DCHS1: variants seen among roughly 807,000 people sequenced by gnomAD.
DCHS1 encodes dachsous cadherin-related 1, also known as protocadherin-16.
In DCHS1, 78 loss-of-function variants were observed where a neutral mutation model predicts 213.9. The observed-to-expected ratio is 0.36, with a 90% CI of 0.30 to 0.44. The LOEUF is 0.44. Ranked by LOEUF, DCHS1 falls within the 20% of genes least tolerant of loss-of-function variation. The pLI is 1.00. For synonymous variants in DCHS1, 1,828 were observed against 1,873.7 expected (o/e 0.98, Z 0.63); for missense variants, 3,946 against 4,395.9 (o/e 0.90, Z 2.89).
chr11:6,632,184 T>A lies in DCHS1; in HGVS notation c.3328A>T (p.Thr1110Ser). ...TGGTTCTCAGCCACAGCCAGGAAGG[T>A]GGGATCCTCAGACAAGCGGGGACTG... Reference protein sequence around the residue: ...EHSPRLSEDPTFLAVAENQPP... With the variant: ...EHSPRLSEDPSFLAVAENQPP... Residue 1110 changes from threonine (T) to serine (S), a missense_variant, in exon 6 of 21, where the codon ACC becomes TCC. Coordinates refer to ENST00000299441, the MANE Select transcript of DCHS1 (RefSeq NM_003737.4). The surrounding 1 kb of genome is among the most constrained non-coding windows in gnomAD (Gnocchi z 5.9). 6.2e-7 allele frequency: 1 copy of A among 1,600,510 alleles called. No individual in the cohort carries two copies. The highest frequency in any genetic ancestry group is 8.5e-7 in the Non-Finnish European group (1 of 1,170,196).
At chr11:6,648,861 A>G (rs868768807) in intron 1 of DCHS1, among the ~76,000 whole-genome samples, 5 of 152,304 alleles carry the variant, frequency 3.3e-5, no homozygotes, top group South Asian at 4.2e-4. Flanking sequence ...AGCATGAGAT[A>G]TTATTATAGT....
At position 6,628,803 on chromosome 11, in the gene DCHS1, G is replaced by T; in HGVS notation, c.5189C>A (p.Pro1730His). Residue 1730 changes from proline (P) to histidine (H), a missense_variant, in exon 13 of 21, where the codon CCT becomes CAT. Transcript: ENST00000299441. This position sits in a 1 kb window ranked among gnomAD's most constrained non-coding sequence, Gnocchi z 4.3. ...TCGAACAGTGACATGCGTTAACTGAGGAGGTGAGCCCCTGTCCTGGGCATA... is the reference window on the plus strand; with the variant it reads ...TCGAACAGTGACATGCGTTAACTGATGAGGTGAGCCCCTGTCCTGGGCATA... Reference protein sequence around the residue: ...TVYAQDRGSPPQLTHVTVRVA... With the variant: ...TVYAQDRGSPHQLTHVTVRVA... The T allele has an allele frequency of 6.2e-7, 1 of 1,613,864 alleles. No individual in the cohort carries two copies.
In DCHS1 at chr11:6,641,511, C is replaced by A. The variant is rs1204555157; in HGVS notation, c.103G>T (p.Ala35Ser). Residue 35 changes from alanine (A) to serine (S), a missense_variant, in exon 2 of 21, where the codon GCT becomes TCT. Transcript: ENST00000299441. The surrounding 1 kb of genome is among the most constrained non-coding windows in gnomAD (Gnocchi z 7.1). The stretch of plus-strand genomic sequence containing the variant: ...TGACCCCAGGCACCTGGCACCCCAG[C>A]CCCCAGCAGCAGCAGCAGCAGCAGC... The part of the protein sequence containing the change: ...LLLLLLLLLG[A>S]GVPGAWGQAG... 1 of 1,557,418 alleles carries A rather than the reference C, an allele frequency of 6.4e-7. No homozygotes were observed. The highest frequency in any genetic ancestry group is 2.0e-5 in the Admixed American group (1 of 51,266).
intron 1 of DCHS1, among the ~76,000 whole-genome samples, chr11:6,655,356 C>A (rs1452766237): frequency 6.6e-6 from 1 of 151,870 alleles, no homozygotes; most frequent in Non-Finnish European, 1.5e-5. Context: ...CTCCCCGACT[C>A]GATGACACAC....
In DCHS1 at chr11:6,627,256, G is replaced by A. The variant is rs764879058; in HGVS notation, c.5783C>T (p.Ser1928Phe). 12 of 1,613,382 alleles carry A rather than the reference G, an allele frequency of 7.4e-6. No homozygotes were observed. The highest frequency in any genetic ancestry group is 3.3e-5 in the Admixed American group (2 of 59,998). Residue 1928 changes from serine (S) to phenylalanine (F), a missense_variant, in exon 14 of 21, where the codon TCT (serine) becomes TTT (phenylalanine). Around this residue, in one of 3 missense-constraint regions of DCHS1, gnomAD observed 3,384 missense variants for 3,780.1 expected, o/e 0.90. Transcript: ENST00000299441. The surrounding 1 kb of genome is among the most constrained non-coding windows in gnomAD (Gnocchi z 5.4). ...AGCTGCACCATCCACTGCACTCACAGAAAAGGTGTAGCTGGGACACTGTTC... is the reference window on the plus strand; with the variant it reads ...AGCTGCACCATCCACTGCACTCACAAAAAAGGTGTAGCTGGGACACTGTTC... ...DREQCPSYTF[S>F]VSAVDGAAAG...
chr11:6,629,437 C>G lies in DCHS1; in HGVS notation c.5161+15G>C. On this transcript the variant is annotated intron_variant, in intron 12 of 20. Transcript: ENST00000299441. The stretch of plus-strand genomic sequence containing the variant: ...AACACCTCACTCAGGCTCTTGGGGT[C>G]CTGTCAACATGTACCTGTCAGGTTG... 1.9e-6 allele frequency: 3 copies of G among 1,612,386 alleles called. No homozygotes were observed. The highest frequency in any genetic ancestry group is 2.5e-6 in the Non-Finnish European group (3 of 1,179,216).
chr11:6,639,762 C>T (rs547799403), intron 2 of DCHS1, 55 bp downstream of exon 2: 2 of 1,447,414 alleles, frequency 1.4e-6, no homozygotes, highest in African/African-American at 2.8e-5. Context: ...TCTGAGGTCC[C>T]CTGTGGCTCT....
At position 6,626,719 on chromosome 11, in the gene DCHS1, G is replaced by A; in HGVS notation, c.6251-54C>T. ...TGAGCGCGAGACTGGGAGAGTTTGG[G>A]GGACATTTTCAAAGCACAACCCCAG... is the stretch of plus-strand genomic sequence containing the variant. On this transcript the variant is annotated intron_variant, in intron 14 of 20. Coordinates refer to ENST00000299441, the MANE Select transcript of DCHS1 (RefSeq NM_003737.4). This position sits in a 1 kb window ranked among gnomAD's most constrained non-coding sequence, Gnocchi z 5.2. 1 of 1,610,762 alleles carries A rather than the reference G, an allele frequency of 6.2e-7. No homozygotes were observed. Among genetic ancestry groups the A allele is most frequent in the Non-Finnish European group, 8.5e-7 (1 of 1,178,552 alleles).
chr11:6,638,941 T>A (rs988114185), intron 2 of DCHS1, among the ~76,000 whole-genome samples: 3 of 151,886 alleles, frequency 2.0e-5, no homozygotes, highest in Non-Finnish European at 2.9e-5. Context: ...TGAAACCCCG[T>A]CTCTATTAAA....
Position 6,623,304 on chromosome 11 carries a change from C to G in DCHS1, c.8372G>C (p.Gly2791Ala). The change falls in exon 21 of 21, where the codon GGG (glycine) becomes GCG (alanine). Residue 2791 changes from glycine (G) to alanine (A), a missense_variant. By Grantham distance (60) the Gly-to-Ala change is moderately conservative. Around this residue, in one of 3 missense-constraint regions of DCHS1, gnomAD observed 3,384 missense variants for 3,780.1 expected, o/e 0.90. Coordinates refer to ENST00000299441, the MANE Select transcript of DCHS1 (RefSeq NM_003737.4). ...FRLLVGAADAGNLSASVTVSV... is the reference protein window; with the variant it reads ...FRLLVGAADAANLSASVTVSV... ...CACAGTGACAGAGGCTGAGAGATTC[C>G]CAGCATCAGCAGCACCCACCAGCAG... is the stretch of plus-strand genomic sequence containing the variant. The G allele has an allele frequency of 1.3e-6, 2 of 1,590,288 alleles. No individual in the cohort carries two copies. Among genetic ancestry groups the G allele is most frequent in the East Asian group, 2.3e-5 (1 of 43,506 alleles).
chr11:6,647,118 T>A (rs1481079167), intron 1 of DCHS1, among the ~76,000 whole-genome samples: 1 of 151,066 alleles, frequency 6.6e-6, no homozygotes, highest in Non-Finnish European at 1.5e-5. Flanking sequence ...GGGCTAGAAG[T>A]GGAGGAAGAA....
Position 6,623,414 on chromosome 11 carries a change from G to T in DCHS1, c.8262C>A (p.Gly2754=). 6.3e-7 allele frequency: 1 copy of T among 1,591,200 alleles called. No homozygotes were observed. The highest frequency in any genetic ancestry group is 1.3e-5 in the African/African-American group (1 of 74,432). Residue 2754 remains glycine, a synonymous_variant, in exon 21 of 21, where the codon GGC becomes GGA. Transcript: ENST00000299441. ...SLLEAGPGPE[G]REAFALNSST... ...AGCTGTTCAGTGCAAATGCCTCACG[G>T]CCCTCAGGTCCTGGCCCAGCCTCCA...
chr11:6,652,554 G>A (rs534829556), intron 1 of DCHS1, among the ~76,000 whole-genome samples: 5 of 152,198 alleles, frequency 3.3e-5, no homozygotes, highest in Non-Finnish European at 5.9e-5. Context: ...AACTGGAGAC[G>A]TGGGAAACAC....
In DCHS1 at chr11:6,632,699, C is replaced by T. The variant is rs1421788107; in HGVS notation, c.2813G>A (p.Gly938Asp). 2 of 1,590,364 alleles carry T rather than the reference C, an allele frequency of 1.3e-6. No homozygotes were observed. The highest frequency in any genetic ancestry group is 1.1e-5 in the South Asian group (1 of 87,934). ...GGTGGGGTCCACGGTGAAGGCTCCA[C>T]CACCCCCAGCAAGCAGGGTAAAGGT... ...RVTFTLLAGG[G>D]GAFTVDPTTG... Residue 938 changes from glycine to aspartate, a missense_variant, in exon 6 of 21, where the codon GGT becomes GAT. Coordinates refer to ENST00000299441, the MANE Select transcript of DCHS1 (RefSeq NM_003737.4). The surrounding 1 kb of genome is among the most constrained non-coding windows in gnomAD (Gnocchi z 5.9).
rs1264010302 is a variant in DCHS1, at chr11:6,625,534, C to G, written c.6863-53G>C. The G allele has an allele frequency of 6.2e-7, 1 of 1,611,290 alleles. No individual in the cohort carries two copies. Among genetic ancestry groups the G allele is most frequent in the Non-Finnish European group, 8.5e-7 (1 of 1,179,204 alleles). The stretch of plus-strand genomic sequence containing the variant: ...GCAATGGACACAGCCCCACCTTGAG[C>G]TGCAGGGTGGAGAAAAATGTCTCTC... On this transcript the variant is annotated intron_variant, in intron 18 of 20. Transcript: ENST00000299441. This position sits in a 1 kb window ranked among gnomAD's most constrained non-coding sequence, Gnocchi z 5.3.
intron 20 of DCHS1, 138 bp downstream of exon 20, chr11:6,624,592 G>T: frequency 7.1e-7 from 1 of 1,405,652 alleles, no homozygotes. Flanking sequence ...GGCTTATAAT[G>T]AAGACAGAGG....
chr11:6,623,174 G>A lies in DCHS1; in HGVS notation c.8502C>T (p.His2834=), dbSNP rs150994160. Residue 2834 remains histidine, a synonymous_variant, in exon 21 of 21, where the codon CAC becomes CAT. Transcript: ENST00000299441. ...CCCCATCCTCATCTGTGGCCTGCAC[G>A]TGACCCAAGCTGTGGCCACGCCGGG... The part of the protein sequence containing the change: ...EGARRGHSLG[H]VQATDEDGGA... 667 of 1,607,734 alleles carry A rather than the reference G, an allele frequency of 4.1e-4. 3 individuals carry two copies. In the African/African-American group the frequency reaches 7.9e-3, roughly 19 times the overall value.
chr11:6,629,721 G>A lies in DCHS1; in HGVS notation c.4986C>T (p.Asn1662=). The change falls in exon 11 of 21, where the codon AAC becomes AAT. Residue 1662 remains asparagine, a synonymous_variant. Coordinates refer to ENST00000299441, the MANE Select transcript of DCHS1 (RefSeq NM_003737.4). ...GGGTGAGCAGAGATGTGCCAGGAGG[G>A]TTGTTCTCACGCAAGAGGACGCTGT... ...QEYSVLLREN[N]PPGTSLLTLR... 1 of 1,613,924 alleles carries A rather than the reference G, an allele frequency of 6.2e-7. No individual in the cohort carries two copies. The highest frequency in any genetic ancestry group is 8.5e-7 in the Non-Finnish European group (1 of 1,179,878).
chr11:6,641,322 T>G lies in DCHS1; in HGVS notation c.292A>C (p.Ser98Arg), dbSNP rs781246336. Residue 98 changes from serine to arginine, a missense_variant, in exon 2 of 21, where the codon AGT becomes CGT. Physicochemically the swap from Ser to Arg is moderately radical, Grantham distance 110. Coordinates refer to ENST00000299441, the MANE Select transcript of DCHS1 (RefSeq NM_003737.4). The surrounding 1 kb of genome is among the most constrained non-coding windows in gnomAD (Gnocchi z 7.1). ...ACACGGGCTGTACGGACGACCCCACTGTGTTCGTCAATGGCCAGGTCTGTG... is the reference window on the plus strand; with the variant it reads ...ACACGGGCTGTACGGACGACCCCACGGTGTTCGTCAATGGCCAGGTCTGTG... ...VGTDLAIDEH[S>R]GVVRTARVLD... The G allele has an allele frequency of 2.5e-6, 4 of 1,613,634 alleles. No individual in the cohort carries two copies. The Admixed American group carries it at 6.7e-5, about 27-fold the overall frequency.
Sources: allele counts gnomAD v4.1 joint callset (sites outside exome capture counted in the v4.1 genomes callset), GRCh38; gene constraint gnomAD v4.1.1; regional missense constraint gnomAD v4.1.1; non-coding constraint Gnocchi (gnomAD v3.1); transcripts MANE v1.5; gene names NCBI Gene and HGNC (gene_info 2026-07-23, HGNC 2026-07-21).